DLG2: variants seen among roughly 807,000 people sequenced by gnomAD.
The protein encoded by DLG2 is disks large homolog 2.
DLG2 carries 45 observed loss-of-function variants against 132.5 expected under a neutral mutation model. The ratio of observed to expected loss-of-function variants is 0.34; its 90% CI spans 0.27 to 0.44. The LOEUF (loss-of-function observed/expected upper bound fraction) is 0.44. Ranked by LOEUF, DLG2 falls within the 20% of genes least tolerant of loss-of-function variation. DLG2 has a pLI of 1.00. For synonymous variants in DLG2, 424 were observed against 419.6 expected (o/e 1.01, Z -0.13); for missense variants, 1,045 against 1,196.9 (o/e 0.87, Z 1.87).
intron 5 of DLG2, among the ~76,000 whole-genome samples, chr11:85,121,303 T>C (rs2074283004): frequency 2.0e-5 from 3 of 151,718 alleles, no homozygotes; most frequent in Admixed American, 1.3e-4. Flanking sequence ...TAATTTTCTA[T>C]TGCACACCTT....
chr11:84,403,910 A>G (rs2098839497), intron 7 of DLG2, among the ~76,000 whole-genome samples: 1 of 152,190 alleles, frequency 6.6e-6, no homozygotes. Flanking sequence ...AGCCAAGTCC[A>G]AAGCCACCTC....
chr11:84,808,096 A>G (rs1316290803), intron 6 of DLG2, among the ~76,000 whole-genome samples: 1 of 152,174 alleles, frequency 6.6e-6, no homozygotes, highest in African/African-American at 2.4e-5. Context: ...CCAGAGCCAC[A>G]ATGCAAATCT....
At chr11:84,789,108 C>T (rs1277635533) in intron 6 of DLG2, among the ~76,000 whole-genome samples, 1 of 152,148 alleles carries the variant, frequency 6.6e-6, no homozygotes, top group Non-Finnish European at 1.5e-5. Flanking sequence ...ATTTTCTATG[C>T]CCTTGTTTCT....
At chr11:83,860,868 A>C (rs2061346910) in intron 16 of DLG2, among the ~76,000 whole-genome samples, 1 of 152,168 alleles carries the variant, frequency 6.6e-6, no homozygotes, top group Non-Finnish European at 1.5e-5. Context: ...TGTGATAGTG[A>C]ATAAGTCTCA....
intron 6 of DLG2, among the ~76,000 whole-genome samples, chr11:84,619,835 A>G (rs917879841): frequency 6.6e-6 from 1 of 151,748 alleles, no homozygotes; most frequent in African/African-American, 2.4e-5. Flanking sequence ...AAAATAGTCT[A>G]TATTTATAAA....
chr11:84,775,744 G>A (rs1362842321), intron 6 of DLG2, among the ~76,000 whole-genome samples: 2 of 152,110 alleles, frequency 1.3e-5, no homozygotes, highest in African/African-American at 4.8e-5. Context: ...TACTACTGGA[G>A]GGGGATGGTA....
At chr11:84,388,819 A>G (rs2098781606) in intron 7 of DLG2, among the ~76,000 whole-genome samples, 1 of 152,104 alleles carries the variant, frequency 6.6e-6, no homozygotes, top group South Asian at 2.1e-4. Context: ...ATTATTTATA[A>G]TCATAAAAAA....
chr11:83,721,899 G>A (rs887766340), intron 18 of DLG2, among the ~76,000 whole-genome samples: 4 of 152,152 alleles, frequency 2.6e-5, no homozygotes, highest in Non-Finnish European at 2.9e-5. Context: ...AAGAACTCTT[G>A]TAGGTATTTC....
chr11:85,044,792 T>G (rs1324844838), intron 6 of DLG2, among the ~76,000 whole-genome samples: 1 of 152,058 alleles, frequency 6.6e-6, no homozygotes, highest in Non-Finnish European at 1.5e-5. Flanking sequence ...AATTCTCATT[T>G]CTCAGAATCT....
intron 9 of DLG2, among the ~76,000 whole-genome samples, chr11:84,161,975 A>G (rs2095556706): frequency 6.6e-6 from 1 of 152,206 alleles, no homozygotes; most frequent in African/African-American, 2.4e-5. Context: ...TTAAGTTTCA[A>G]CGTATATTTT....
rs1204561167 is a variant in DLG2 at position 84,862,175 on chromosome 11, T to C, written c.357+249486A>G. 5.9e-5 allele frequency among the ~76,000 whole-genome samples: 9 copies of C among 151,652 alleles called. No homozygotes were observed. In the East Asian group the frequency reaches 1.2e-3, roughly 20 times the overall value. ...ACATTGTGCACATGTACCCTAAAAC[T>C]TAAAGTATAATAATAATAAATAAAA... On this transcript the variant is annotated intron_variant, in intron 6 of 27. Coordinates refer to ENST00000376104, the MANE Select transcript of DLG2 (RefSeq NM_001142699.3).
intron 3 of DLG2, among the ~76,000 whole-genome samples, chr11:85,457,908 G>A (rs2092472648): frequency 6.6e-6 from 1 of 151,964 alleles, no homozygotes; most frequent in Admixed American, 6.6e-5. Context: ...ATGATTATGT[G>A]TCTCGGGGAT....
intron 7 of DLG2, among the ~76,000 whole-genome samples, chr11:84,387,074 C>T (rs893528325): frequency 1.3e-5 from 2 of 152,030 alleles, no homozygotes; most frequent in Non-Finnish European, 2.9e-5. Flanking sequence ...GAACTCCCCA[C>T]CACCTCTTCC....
intron 3 of DLG2, among the ~76,000 whole-genome samples, chr11:85,289,500 A>G (rs186784658): frequency 2.6e-5 from 4 of 152,302 alleles, no homozygotes; most frequent in Admixed American, 2.0e-4. Context: ...AACTGGGTTC[A>G]ATTGAGTAGG....
chr11:83,586,941 G>A (rs2097096406), intron 19 of DLG2, among the ~76,000 whole-genome samples: 1 of 152,154 alleles, frequency 6.6e-6, no homozygotes, highest in Non-Finnish European at 1.5e-5. Context: ...AATGGCCACA[G>A]AAGCTATTTT....
At chr11:84,721,897 G>A (rs2061881557) in intron 6 of DLG2, among the ~76,000 whole-genome samples, 1 of 152,194 alleles carries the variant, frequency 6.6e-6, no homozygotes, top group Admixed American at 6.5e-5. Context: ...CATTCCTGTG[G>A]TAAGCCCCAG....
At position 83,541,672 on chromosome 11, in the gene DLG2, G is replaced by A; in HGVS notation, c.2117+10C>T. The A allele has an allele frequency of 6.3e-7, 1 of 1,588,250 alleles. No homozygotes were observed. The highest frequency in any genetic ancestry group is 1.4e-5 in the African/African-American group (1 of 73,870). ...ACAAGCAAATATTCTAGTACAAAAGGCATTCTTACCTCCTTTTGCTGGGGA... is the reference window on the plus strand; with the variant it reads ...ACAAGCAAATATTCTAGTACAAAAGACATTCTTACCTCCTTTTGCTGGGGA... On this transcript the variant is annotated intron_variant, in intron 20 of 27. Coordinates refer to ENST00000376104, the MANE Select transcript of DLG2 (RefSeq NM_001142699.3).
Position 85,084,359 on chromosome 11 carries a change from T to C in DLG2, c.357+27302A>G, listed in dbSNP as rs189580038. Among the ~76,000 whole-genome samples the C allele has an allele frequency of 5.3e-4, 80 of 152,112 alleles. 1 individual carries two copies. The highest frequency in any genetic ancestry group is 1.7e-3 in the African/African-American group (69 of 41,506). On this transcript the variant is annotated intron_variant, in intron 6 of 27. Transcript: ENST00000376104. ...GTACAGATGCAGGCATCTAAGAAAATATGGAAGTAGGGGCTGGTAAATGTT... is the reference window on the plus strand; with the variant it reads ...GTACAGATGCAGGCATCTAAGAAAACATGGAAGTAGGGGCTGGTAAATGTT...
chr11:84,158,632 TGTGA>T (rs541617659), intron 9 of DLG2, among the ~76,000 whole-genome samples: 1 of 152,218 alleles, frequency 6.6e-6, no homozygotes, highest in Non-Finnish European at 1.5e-5. Flanking sequence ...TGTTACTAAA[TGTGA>T]TTATTACTTA....
Sources: gnomAD v4.1 joint callset for allele counts (sites outside exome capture counted in the v4.1 genomes callset) on GRCh38, gnomAD v4.1.1 for gene constraint, MANE v1.5 for transcripts, NCBI Gene and HGNC (gene_info 2026-07-23, HGNC 2026-07-21) for gene names.